DIAPH2: variants seen among roughly 807,000 people sequenced by gnomAD.
DIAPH2 encodes the protein protein diaphanous homolog 2.
A neutral mutation model predicts 92.7 loss-of-function variants in DIAPH2; 35 were observed. That is an observed-to-expected ratio of 0.38 (90% CI 0.29 to 0.50). The LOEUF is 0.50. Ranked by LOEUF, DIAPH2 falls within the 20% of genes least tolerant of loss-of-function variation. The pLI, the probability that DIAPH2 is intolerant of heterozygous loss-of-function variation, is 0.94. For missense variants in DIAPH2, 701 were observed against 819.5 expected, an observed-to-expected ratio of 0.86 and a Z score of 1.77; for synonymous variants, 301 against 280.4, an observed-to-expected ratio of 1.07 and a Z score of -0.73.
chrX:97,090,040 A>T (rs1215768842), intron 19 of DIAPH2, among the ~76,000 whole-genome samples: 1 of 112,401 alleles, frequency 8.9e-6, no homozygotes, highest in Non-Finnish European at 1.9e-5. Flanking sequence ...AAAATAATCA[A>T]TTCTTAAGCA....
chrX:97,345,933 G>C lies in DIAPH2; in HGVS notation c.2845-2183G>C, dbSNP rs717351. 8.3e-3 allele frequency among the ~76,000 whole-genome samples: 926 copies of C among 111,076 alleles called. 7 individuals are homozygous for C. Among genetic ancestry groups the C allele is most frequent in the African/African-American group, 0.029 (880 of 30,665 alleles). ...TTTTTAATTTCTAAGTTGTAAAAAA[G>C]GGCCATTTATATCTTCTATAATCAG... On this transcript the variant is annotated intron_variant, in intron 23 of 26. Transcript: ENST00000324765.
At chrX:96,968,065 G>GT (rs781460481) in intron 17 of DIAPH2, among the ~76,000 whole-genome samples, 3,021 of 103,149 alleles carry the variant, frequency 0.029, 117 homozygotes, top group African/African-American at 0.096. Flanking sequence ...ATCTGTTTGG[G>GT]TTTTTTTTTT....
rs185485929 is a variant in DIAPH2 at position 96,997,507 on chromosome X, C to G, written c.2050+32300C>G. Among the ~76,000 whole-genome samples the G allele has an allele frequency of 3.6e-5, 4 of 111,360 alleles. No individual in the cohort carries two copies. The East Asian group carries it at 1.1e-3, about 32-fold the overall frequency. On this transcript the variant is annotated intron_variant, in intron 17 of 26. Transcript: ENST00000324765. ...TCACATTTAGCAAATTGATGCATAT[C>G]CTATGACTCCTTGGGTTTTTGCCAA...
intron 22 of DIAPH2, among the ~76,000 whole-genome samples, chrX:97,189,775 C>T (rs1454933156): frequency 8.9e-6 from 1 of 112,409 alleles, no homozygotes; most frequent in Non-Finnish European, 1.9e-5. Flanking sequence ...TTAAAGCTGG[C>T]ATGCTGTTTG....
chrX:96,950,549 C>T (rs944043126), intron 15 of DIAPH2, among the ~76,000 whole-genome samples: 7 of 111,720 alleles, frequency 6.3e-5, no homozygotes, highest in Non-Finnish European at 1.3e-4. Context: ...TCCACTCATA[C>T]TACACCTCTT....
chrX:96,943,068 G>A (rs750007076), intron 13 of DIAPH2, among the ~76,000 whole-genome samples: 12 of 110,295 alleles, frequency 1.1e-4, no homozygotes, highest in African/African-American at 3.3e-4. Flanking sequence ...ATTCGTGATC[G>A]CTCCCTTTTC....
At chrX:97,363,666 A>C (rs1296397782) in intron 24 of DIAPH2, among the ~76,000 whole-genome samples, 3 of 78,596 alleles carry the variant, frequency 3.8e-5, no homozygotes, top group Non-Finnish European at 7.3e-5. Flanking sequence ...ACTCTGCCTC[A>C]AAAAAAAAAA....
intron 22 of DIAPH2, among the ~76,000 whole-genome samples, chrX:97,170,970 C>T (rs2067449013): frequency 9.1e-6 from 1 of 110,323 alleles, no homozygotes; most frequent in Non-Finnish European, 1.9e-5. Context: ...TCTGCCTCCC[C>T]GGTTCAAGCA....
chrX:97,451,472 T>A (rs971831946), intron 26 of DIAPH2, among the ~76,000 whole-genome samples: 1 of 111,667 alleles, frequency 9.0e-6, no homozygotes, highest in African/African-American at 3.2e-5. Flanking sequence ...CTCAAATAAG[T>A]CTTTTTGGTA....
At chrX:96,789,563 A>G (rs894113278) in intron 4 of DIAPH2, among the ~76,000 whole-genome samples, 2 of 111,941 alleles carry the variant, frequency 1.8e-5, no homozygotes, top group South Asian at 7.4e-4. Context: ...TTTAGGCGGG[A>G]GAAGGAAACT....
chrX:97,246,954 T>TA (rs946995131), intron 22 of DIAPH2, among the ~76,000 whole-genome samples: 7 of 110,588 alleles, frequency 6.3e-5, no homozygotes, highest in South Asian at 7.5e-4. Flanking sequence ...AGTTGAAAGT[T>TA]AAAAAAAAAT....
chrX:96,931,509 C>A (rs767991119), intron 10 of DIAPH2, among the ~76,000 whole-genome samples: 1 of 109,605 alleles, frequency 9.1e-6, no homozygotes, highest in South Asian at 3.9e-4. Flanking sequence ...TGGCATTGTT[C>A]AAGACAAGTA....
intron 24 of DIAPH2, among the ~76,000 whole-genome samples, chrX:97,350,315 A>G (rs1164492716): frequency 9.0e-6 from 1 of 111,051 alleles, no homozygotes; most frequent in African/African-American, 3.3e-5. Context: ...AAGAATATAT[A>G]TGTAAAATAT....
chrX:97,315,118 G>T (rs753056865), intron 23 of DIAPH2, among the ~76,000 whole-genome samples: 1 of 110,848 alleles, frequency 9.0e-6, no homozygotes, highest in African/African-American at 3.3e-5. Context: ...TCTTCTCCCT[G>T]CCCTTAAAGA....
chrX:97,273,380 A>G (rs1230594899), intron 23 of DIAPH2, among the ~76,000 whole-genome samples: 1 of 111,910 alleles, frequency 8.9e-6, no homozygotes, highest in Admixed American at 9.5e-5. Flanking sequence ...CAGGGCTAGT[A>G]AAGAACCTAC....
At chrX:97,314,385 T>C (rs1219200040) in intron 23 of DIAPH2, among the ~76,000 whole-genome samples, 1 of 111,094 alleles carries the variant, frequency 9.0e-6, no homozygotes, top group African/African-American at 3.3e-5. Flanking sequence ...TGCACTGCAG[T>C]CTGGAAGACA....
chrX:97,207,247 T>G (rs1053450824), intron 22 of DIAPH2, among the ~76,000 whole-genome samples: 2 of 112,337 alleles, frequency 1.8e-5, no homozygotes, highest in Non-Finnish European at 3.8e-5. Flanking sequence ...ACCAGTCGTA[T>G]AGCTTTAATG....
At chrX:97,452,532 AG>A (rs909278101) in intron 26 of DIAPH2, among the ~76,000 whole-genome samples, 1 of 111,605 alleles carries the variant, frequency 9.0e-6, no homozygotes, top group Non-Finnish European at 1.9e-5. Context: ...CTTATTCTCA[AG>A]TGCTAGAGGT....
At chrX:97,149,807 A>G (rs1178200885) in intron 22 of DIAPH2, among the ~76,000 whole-genome samples, 1 of 108,782 alleles carries the variant, frequency 9.2e-6, no homozygotes, top group Non-Finnish European at 1.9e-5. Flanking sequence ...ATCAATAGCA[A>G]CACCATAAAT....
Sources: gnomAD v4.1 joint callset for allele counts (sites outside exome capture counted in the v4.1 genomes callset) on GRCh38, gnomAD v4.1.1 for gene constraint, MANE v1.5 for transcripts, NCBI Gene and HGNC (gene_info 2026-07-23, HGNC 2026-07-21) for gene names.